Variants in TACC1 observed in about 807,000 individuals in gnomAD.
TACC1 encodes transforming acidic coiled-coil containing protein 1.
Under a neutral mutation model 84.4 loss-of-function variants are expected in TACC1, and 48 were observed. The observed-to-expected ratio is 0.57, with a 90% CI of 0.45 to 0.72. The LOEUF (loss-of-function observed/expected upper bound fraction) is 0.72, where lower values mean the gene tolerates loss of function less well. Ranked by LOEUF, TACC1 falls within the 30% of genes least tolerant of loss-of-function variation. The probability of loss-of-function intolerance (pLI) is 0.00; values close to 1 mark genes in which losing one functional copy is unlikely to be tolerated. For synonymous variants in TACC1, 372 were observed against 376.3 expected, an observed-to-expected ratio of 0.99 and a Z score of 0.13; for missense variants, 920 against 973.0, an observed-to-expected ratio of 0.95 and a Z score of 0.72.
intron 3 of TACC1, among the ~76,000 whole-genome samples, chr8:38,764,984 A>G (rs1001777681): frequency 6.6e-6 from 1 of 151,978 alleles, no homozygotes; most frequent in Non-Finnish European, 1.5e-5. Context: ...CTATAATCCC[A>G]GCTACTCAAG....
intron 1 of TACC1, among the ~76,000 whole-genome samples, chr8:38,737,151 T>C (rs1034805024): frequency 1.1e-4 from 17 of 152,160 alleles, no homozygotes; most frequent in Non-Finnish European, 2.2e-4. Context: ...CGCTGGTCAG[T>C]GACAAGGCCC....
At chr8:38,758,550 G>A (rs1286884619) in intron 3 of TACC1, among the ~76,000 whole-genome samples, 11 of 151,668 alleles carry the variant, frequency 7.3e-5, no homozygotes, top group African/African-American at 2.7e-4. Context: ...ATGGCGGTGC[G>A]AGCCTGTAGT....
chr8:38,728,984 CCTTTT>C (rs549760217), intron 1 of TACC1, among the ~76,000 whole-genome samples: 74 of 152,252 alleles, frequency 4.9e-4, no homozygotes, highest in Admixed American at 3.0e-3. Context: ...TTTTCTCTTT[CCTTTT>C]CTTTTCTTTT....
chr8:38,835,611 A>G (rs1830075458), intron 6 of TACC1, among the ~76,000 whole-genome samples: 1 of 152,242 alleles, frequency 6.6e-6, no homozygotes, highest in South Asian at 2.1e-4. Context: ...ATGATCCTGA[A>G]TCATCCGGGT....
At chr8:38,793,038 C>T (rs1271437620) in intron 2 of TACC1, among the ~76,000 whole-genome samples, 3 of 152,194 alleles carry the variant, frequency 2.0e-5, no homozygotes, top group African/African-American at 7.2e-5. Context: ...CCCAAACACA[C>T]ACACCTTTAT....
At chr8:38,843,976 T>C (rs1831747283) in intron 11 of TACC1, among the ~76,000 whole-genome samples, 1 of 152,180 alleles carries the variant, frequency 6.6e-6, no homozygotes, top group Non-Finnish European at 1.5e-5. Context: ...AATTTATAAT[T>C]ATAAGTGTTG....
rs1833155459 is a variant in TACC1, at chr8:38,851,984, T to C, written c.*3961T>C. On this transcript the variant is annotated 3_prime_UTR_variant, in exon 13 of 13. Coordinates refer to ENST00000317827, the MANE Select transcript of TACC1 (RefSeq NM_006283.3). ...TTTTAAAAAGCAACTTACCACTAAA[T>C]CCTTGAGTCTCCATAGAGTAACAGT... The C allele has an allele frequency of 2.2e-6, 1 of 456,360 alleles. No homozygotes were observed. The highest frequency in any genetic ancestry group is 4.4e-6 in the Non-Finnish European group (1 of 226,952). The allele number at this position is 456,360 out of a possible 1,614,324, so 28.3% of individuals were successfully genotyped here.
chr8:38,760,914 C>T (rs1371362311), intron 3 of TACC1, among the ~76,000 whole-genome samples: 1 of 152,202 alleles, frequency 6.6e-6, no homozygotes, highest in East Asian at 1.9e-4. Context: ...CACATTTGCA[C>T]ATGTATGTAC....
At chr8:38,831,066 AC>A (rs1196643748) in intron 5 of TACC1, 58 bp from the exon 6 acceptor site, 3 of 1,525,236 alleles carry the variant, frequency 2.0e-6, no homozygotes, top group Non-Finnish European at 2.7e-6. Flanking sequence ...AGAGCCTTTC[AC>A]TAGGGAGGAA....
At chr8:38,788,932 GAA>G in intron 2 of TACC1, 113 bp downstream of exon 2, 1 of 851,334 alleles carries the variant, frequency 1.2e-6, no homozygotes, top group Non-Finnish European at 1.8e-6. Flanking sequence ...GTTTGACTAA[GAA>G]AGAGCTGTTT....
rs1435231191 is a variant in TACC1, at chr8:38,769,338, G to A, written c.27-19366G>A. 1.4e-5 allele frequency among the ~76,000 whole-genome samples: 2 copies of A among 146,010 alleles called. 1 individual carries two copies. The highest frequency in any genetic ancestry group is 1.4e-4 in the Admixed American group (2 of 14,728). On this transcript the variant is annotated intron_variant, in intron 3 of 14. Transcript: ENST00000518415. ...GGTGTGTGTGGTATGTGTGTAACTA[G>A]GTGTGTGGTGTATGTGATACTGCAT... is the stretch of plus-strand genomic sequence containing the variant.
intron 3 of TACC1, among the ~76,000 whole-genome samples, chr8:38,756,009 T>G (rs948650105): frequency 4.0e-5 from 6 of 151,892 alleles, no homozygotes; most frequent in Non-Finnish European, 8.8e-5. Flanking sequence ...GAGACGGGGT[T>G]TCACCATGTT....
intron 2 of TACC1, among the ~76,000 whole-genome samples, chr8:38,818,974 C>T (rs565501319): frequency 6.6e-6 from 1 of 152,228 alleles, no homozygotes; most frequent in East Asian, 1.9e-4. Flanking sequence ...GATGGGGTTT[C>T]ACCATGTTGG....
intron 1 of TACC1, chr8:38,788,218 C>A: frequency 5.8e-6 from 1 of 173,844 alleles, no homozygotes; most frequent in Non-Finnish European, 1.2e-5. Context: ...GTGGTCTCTG[C>A]CGGGCTGTCA....
chr8:38,814,175 G>A (rs1463786021), intron 2 of TACC1, among the ~76,000 whole-genome samples: 1 of 152,182 alleles, frequency 6.6e-6, no homozygotes, highest in Non-Finnish European at 1.5e-5. Flanking sequence ...TATATCTGAT[G>A]TGATATTAAT....
intron 3 of TACC1, among the ~76,000 whole-genome samples, chr8:38,769,490 A>G (rs1587467455): frequency 4.3e-5 from 3 of 69,422 alleles, no homozygotes; most frequent in Admixed American, 1.8e-4. Context: ...GGTATGGGTG[A>G]GGGTATGTGG....
Position 38,788,684 on chromosome 8 carries a change from T to C in TACC1, c.162-20T>C. 1 of 1,575,094 alleles carries C rather than the reference T, an allele frequency of 6.3e-7. No homozygotes were observed. Among genetic ancestry groups the C allele is most frequent in the Non-Finnish European group, 8.7e-7 (1 of 1,149,218 alleles). ...AAATACCGTTGAAAGTGGTAATTCC[T>C]CATTTTTCCTCCTTGGCAGCTCGGA... On this transcript the variant is annotated intron_variant, in intron 1 of 12. Transcript: ENST00000317827.
At chr8:38,827,145 A>G (rs538417977) in intron 4 of TACC1, 23 bp from the exon 5 acceptor site, 2 of 1,607,016 alleles carry the variant, frequency 1.2e-6, no homozygotes, top group Admixed American at 1.7e-5. Context: ...AAAGGGTAGC[A>G]TCTTCTCTGT....
intron 1 of TACC1, among the ~76,000 whole-genome samples, chr8:38,734,995 G>A (rs953471280): frequency 4.6e-5 from 7 of 152,222 alleles, no homozygotes; most frequent in African/African-American, 1.7e-4. Flanking sequence ...TCTCTTCCTT[G>A]GAGTGGCTGG....
Sources: allele counts gnomAD v4.1 joint callset (sites outside exome capture counted in the v4.1 genomes callset), GRCh38; gene constraint gnomAD v4.1.1; transcripts MANE v1.5; gene names NCBI Gene and HGNC (gene_info 2026-07-23, HGNC 2026-07-21).